Variants in PREX2 observed in about 807,000 individuals in gnomAD.
PREX2 encodes the protein phosphatidylinositol 3,4,5-trisphosphate-dependent Rac exchanger 2 protein.
PREX2 carries 107 observed loss-of-function variants against 203.2 expected under a neutral mutation model. The ratio of observed to expected loss-of-function variants is 0.53; its 90% CI spans 0.45 to 0.62. PREX2 has a LOEUF of 0.62. Among genes scored for constraint, PREX2 ranks in the 20% least tolerant of loss-of-function variants. The pLI is 0.00. For missense variants in PREX2, 1,777 were observed against 1,955.9 expected, an observed-to-expected ratio of 0.91 and a Z score of 1.72; for synonymous variants, 672 against 663.6, an observed-to-expected ratio of 1.01 and a Z score of -0.19.
chr8:68,133,099 A>T (rs1811039798), intron 31 of PREX2, among the ~76,000 whole-genome samples: 1 of 152,186 alleles, frequency 6.6e-6, no homozygotes, highest in Non-Finnish European at 1.5e-5. Context: ...GAATGGGAGA[A>T]GGCAGAAGGG....
Position 68,074,021 on chromosome 8 carries a change from C to T in PREX2, c.1569+1451C>T, listed in dbSNP as rs186848961. 2.7e-3 allele frequency among the ~76,000 whole-genome samples: 406 copies of T among 151,838 alleles called. 1 individual carries two copies. The highest frequency in any genetic ancestry group is 9.0e-3 in the African/African-American group (374 of 41,378). On this transcript the variant is annotated intron_variant, in intron 14 of 39. Transcript: ENST00000288368. Reference sequence around the variant, plus strand: ...TCACTTGGTTGCCTGGGCTGGAGTGCAGTGGCTCAATCTCGGCTCACTGCA... The same window carrying T: ...TCACTTGGTTGCCTGGGCTGGAGTGTAGTGGCTCAATCTCGGCTCACTGCA...
intron 32 of PREX2, among the ~76,000 whole-genome samples, chr8:68,135,467 C>T (rs1811097879): frequency 6.6e-6 from 1 of 152,074 alleles, no homozygotes; most frequent in African/African-American, 2.4e-5. Context: ...CCAAAAAGCA[C>T]ATGAAAAGAT....
At chr8:68,108,980 T>C (rs1446402243) in intron 24 of PREX2, 1 of 444,694 alleles carries the variant, frequency 2.2e-6, no homozygotes, top group Non-Finnish European at 4.5e-6. Context: ...CTCATTTATA[T>C]GAGAAATATA....
chr8:68,153,754 T>G (rs1811489113), intron 34 of PREX2, among the ~76,000 whole-genome samples: 1 of 152,200 alleles, frequency 6.6e-6, no homozygotes, highest in African/African-American at 2.4e-5. Context: ...ACTCATCTTT[T>G]TTTGTTCATT....
chr8:68,207,145 A>G (rs1812641597), intron 37 of PREX2, among the ~76,000 whole-genome samples: 1 of 152,182 alleles, frequency 6.6e-6, no homozygotes, highest in African/African-American at 2.4e-5. Flanking sequence ...TCTAATATAT[A>G]TATATTTCAA....
intron 18 of PREX2, among the ~76,000 whole-genome samples, chr8:68,084,194 C>T (rs566065002): frequency 2.2e-4 from 33 of 151,978 alleles, no homozygotes; most frequent in Non-Finnish European, 3.7e-4. Flanking sequence ...ATTGTTTAAC[C>T]ACTTAATTAA....
At chr8:68,120,153 T>C (rs1810740098) in intron 28 of PREX2, 43 bp from the exon 29 acceptor site, 1 of 1,256,688 alleles carries the variant, frequency 8.0e-7, no homozygotes, top group Non-Finnish European at 1.2e-6. Flanking sequence ...ACGTATCATG[T>C]ACTATGAGAA....
intron 20 of PREX2, among the ~76,000 whole-genome samples, chr8:68,093,180 C>T (rs546738775): frequency 6.6e-6 from 1 of 151,948 alleles, no homozygotes. Context: ...CACCTGAGGT[C>T]GGGAGTTCGA....
intron 7 of PREX2, among the ~76,000 whole-genome samples, chr8:68,041,077 T>C (rs1254080656): frequency 6.6e-6 from 1 of 152,172 alleles, no homozygotes; most frequent in East Asian, 1.9e-4. Context: ...TGAGCCTTTA[T>C]GTACTTCACC....
intron 24 of PREX2, 120 bp from the exon 25 acceptor site, chr8:68,109,296 G>A: frequency 7.2e-6 from 5 of 695,466 alleles, no homozygotes; most frequent in Non-Finnish European, 1.2e-5. Flanking sequence ...ACATCAGGTT[G>A]TACATGTAAT....
At chr8:68,028,222 CATAT>C (rs140625646) in intron 5 of PREX2, among the ~76,000 whole-genome samples, 1 of 149,186 alleles carries the variant, frequency 6.7e-6, no homozygotes, top group Non-Finnish European at 1.5e-5. Context: ...ATTCTGAATA[CATAT>C]ATATATATAT....
At chr8:68,166,743 G>A (rs1197775462) in intron 35 of PREX2, among the ~76,000 whole-genome samples, 1 of 152,088 alleles carries the variant, frequency 6.6e-6, no homozygotes, top group East Asian at 1.9e-4. Flanking sequence ...TGAGGTAGAA[G>A]GATCACTTCA....
intron 35 of PREX2, among the ~76,000 whole-genome samples, chr8:68,179,605 CA>C (rs1342009014): frequency 6.6e-6 from 1 of 152,066 alleles, no homozygotes; most frequent in Non-Finnish European, 1.5e-5. Flanking sequence ...TGGGTTCATC[CA>C]ACACTTGCCA....
chr8:68,154,342 T>A (rs527301437), intron 34 of PREX2, among the ~76,000 whole-genome samples: 64 of 152,374 alleles, frequency 4.2e-4, no homozygotes, highest in African/African-American at 1.4e-3. Context: ...TAGTATTTAA[T>A]TAAATTCTTT....
chr8:67,953,222 G>C (rs1238541650), intron 1 of PREX2, among the ~76,000 whole-genome samples: 1 of 131,754 alleles, frequency 7.6e-6, no homozygotes, highest in Admixed American at 9.7e-5. Flanking sequence ...TCAGTTTCTG[G>C]TCCCCTGTTT....
intron 37 of PREX2, among the ~76,000 whole-genome samples, chr8:68,211,058 G>C (rs1010773206): frequency 6.6e-6 from 1 of 152,154 alleles, no homozygotes. Context: ...CTGGCATCTA[G>C]AAATACAGTT....
chr8:68,123,449 G>A (rs1363871956), intron 30 of PREX2, among the ~76,000 whole-genome samples: 2 of 151,904 alleles, frequency 1.3e-5, no homozygotes, highest in Non-Finnish European at 2.9e-5. Flanking sequence ...GAATCTAGGA[G>A]TTGATTTTTG....
chr8:68,069,303 C>T (rs953722202), intron 12 of PREX2, among the ~76,000 whole-genome samples, 167 bp downstream of exon 12: 3 of 151,926 alleles, frequency 2.0e-5, no homozygotes, highest in Non-Finnish European at 4.4e-5. Context: ...AGAATTCTAA[C>T]GTTCAATTGT....
At position 68,045,804 on chromosome 8, in the gene PREX2, T is replaced by G. The variant is rs182980468; in HGVS notation, c.943+1214T>G. ...TGTAATGCAGTTGCAGATACTCCCG[T>G]GCTAACATGTGGGACCTAGTCGGCT... On this transcript the variant is annotated intron_variant, in intron 8 of 39. Transcript: ENST00000288368. Among the ~76,000 whole-genome samples the G allele has an allele frequency of 7.2e-5, 11 of 152,228 alleles. No homozygotes were observed. The East Asian group carries it at 2.1e-3, about 29-fold the overall frequency.
Sources: allele counts gnomAD v4.1 joint callset (sites outside exome capture counted in the v4.1 genomes callset), GRCh38; gene constraint gnomAD v4.1.1; transcripts MANE v1.5; gene names NCBI Gene and HGNC (gene_info 2026-07-23, HGNC 2026-07-21).